The following KIF13B variants were observed in gnomAD, a reference collection of about 807,000 sequenced individuals.
The protein encoded by KIF13B is kinesin-like protein KIF13B.
Under a neutral mutation model 222.0 loss-of-function variants are expected in KIF13B, and 127 were observed. The observed-to-expected ratio is 0.57, with a 90% CI of 0.50 to 0.66. The LOEUF (loss-of-function observed/expected upper bound fraction) is 0.66, where lower values mean the gene tolerates loss of function less well. Ranked by LOEUF, KIF13B falls within the 30% of genes least tolerant of loss-of-function variation. The probability of loss-of-function intolerance (pLI) is 0.00; values close to 1 mark genes in which losing one functional copy is unlikely to be tolerated. For missense variants in KIF13B, 2,173 were observed against 2,379.0 expected (o/e 0.91, Z 1.80); for synonymous variants, 976 against 919.0 (o/e 1.06, Z -1.12).
intron 37 of KIF13B, 135 bp downstream of exon 37, chr8:29,092,610 C>T (rs915377164): frequency 4.1e-5 from 34 of 839,124 alleles, no homozygotes; most frequent in African/African-American, 2.4e-4. Flanking sequence ...GAGAAAAGAC[C>T]GACAGCTGTT....
rs1016688644 is a variant in KIF13B at position 29,165,601 on chromosome 8, T to C, written c.1269+61A>G. ...GATCAAAAAGGAACCAGAAACACCATGTGTCCCATTGTGCAAACTGCCATG... is the reference window on the plus strand; with the variant it reads ...GATCAAAAAGGAACCAGAAACACCACGTGTCCCATTGTGCAAACTGCCATG... On this transcript the variant is annotated intron_variant, in intron 12 of 39. Coordinates refer to ENST00000524189, the MANE Select transcript of KIF13B (RefSeq NM_015254.4). The C allele has an allele frequency of 2.2e-5, 22 of 1,004,820 alleles. 1 individual carries two copies. The Admixed American group carries it at 2.8e-4, about 13-fold the overall frequency. 62.2% of individuals were successfully genotyped at this position (1,004,820 alleles called of 1,614,324 possible).
chr8:29,258,488 C>T (rs559924967), intron 1 of KIF13B, among the ~76,000 whole-genome samples: 4 of 152,294 alleles, frequency 2.6e-5, no homozygotes, highest in African/African-American at 9.6e-5. Context: ...ACCCTAGGTC[C>T]GGACTTCTGG....
At chr8:29,173,240 T>C (rs999873341) in intron 10 of KIF13B, among the ~76,000 whole-genome samples, 1 of 152,060 alleles carries the variant, frequency 6.6e-6, no homozygotes. Flanking sequence ...TTGTTTTAAA[T>C]GGACTCAAGT....
Position 29,109,442 on chromosome 8 carries a change from C to T in KIF13B, c.4153G>A (p.Val1385Met). 1 of 1,613,128 alleles carries T rather than the reference C, an allele frequency of 6.2e-7. No homozygotes were observed. Among genetic ancestry groups the T allele is most frequent in the Non-Finnish European group, 8.5e-7 (1 of 1,179,056 alleles). ...TGGTTCCACACACTCACTCTGTTCACATTTGGAGAACTGATACTCCTCCTG... is the reference window on the plus strand; with the variant it reads ...TGGTTCCACACACTCACTCTGTTCATATTTGGAGAACTGATACTCCTCCTG... ...LSRRSISSPN[V>M]NRLSGSRQDL... Residue 1385 changes from valine (V) to methionine (M), a missense_variant, in exon 34 of 40, where the codon GTG becomes ATG. Physicochemically the swap from Val to Met is conservative, Grantham distance 21. Coordinates refer to ENST00000524189, the MANE Select transcript of KIF13B (RefSeq NM_015254.4).
intron 21 of KIF13B, among the ~76,000 whole-genome samples, chr8:29,139,592 G>A (rs138551278): frequency 3.9e-5 from 6 of 152,312 alleles, no homozygotes; most frequent in African/African-American, 9.6e-5. Context: ...TGGCTGACAC[G>A]TAACTTACTC....
chr8:29,095,339 T>G (rs1312151281), intron 36 of KIF13B, among the ~76,000 whole-genome samples: 1 of 152,144 alleles, frequency 6.6e-6, no homozygotes, highest in Non-Finnish European at 1.5e-5. Flanking sequence ...ATCTTTGAAG[T>G]GCTAAAAGAA....
intron 2 of KIF13B, among the ~76,000 whole-genome samples, chr8:29,207,829 G>A (rs951118149): frequency 2.0e-5 from 3 of 152,130 alleles, no homozygotes; most frequent in Non-Finnish European, 4.4e-5. Flanking sequence ...AGAGTTTTGG[G>A]GGAGTTTGAA....
chr8:29,135,300 C>T (rs1050667635), intron 21 of KIF13B, among the ~76,000 whole-genome samples: 1 of 152,132 alleles, frequency 6.6e-6, no homozygotes, highest in African/African-American at 2.4e-5. Context: ...CTGCCTCAGT[C>T]TCCCAAAATA....
chr8:29,190,800 T>C, intron 4 of KIF13B, 197 bp downstream of exon 4: 1 of 604,036 alleles, frequency 1.7e-6, no homozygotes, highest in Non-Finnish European at 3.0e-6. Flanking sequence ...AGCCAGTGTC[T>C]GCCGCTTGGG....
rs759109548 is a variant in KIF13B, at chr8:29,122,621, G to C, written c.3505C>G (p.His1169Asp). ...AAGTCCAGGAATATAACAGGAATGT[G>C]TGTCTCCATCCCAGGTACTGGGGTC... Reference protein sequence around the residue: ...EWTPVPGMETHIPVIFLDLNA... With the variant: ...EWTPVPGMETDIPVIFLDLNA... The change falls in exon 29 of 40, where the codon CAC (histidine) becomes GAC (aspartate). Residue 1169 changes from histidine to aspartate, a missense_variant. This residue lies in a region of KIF13B where 1,480 missense variants were observed against 1,722.8 expected (regional missense o/e 0.86). Coordinates refer to ENST00000524189, the MANE Select transcript of KIF13B (RefSeq NM_015254.4). 1 of 1,610,098 alleles carries C rather than the reference G, an allele frequency of 6.2e-7. No homozygotes were observed. Among genetic ancestry groups the C allele is most frequent in the Admixed American group, 1.7e-5 (1 of 59,536 alleles).
At chr8:29,194,821 C>T (rs1813346595) in intron 3 of KIF13B, among the ~76,000 whole-genome samples, 1 of 152,140 alleles carries the variant, frequency 6.6e-6, no homozygotes, top group Non-Finnish European at 1.5e-5. Flanking sequence ...TGTTTAACCT[C>T]CCATGTATTT....
At chr8:29,103,058 T>C (rs1172235713) in intron 35 of KIF13B, among the ~76,000 whole-genome samples, 3 of 151,682 alleles carry the variant, frequency 2.0e-5, no homozygotes, top group Non-Finnish European at 4.4e-5. Context: ...CTGGCTAACA[T>C]GATGAAACCC....
chr8:29,075,268 C>A lies in KIF13B; in HGVS notation c.4521+13G>T. 1.3e-6 allele frequency: 2 copies of A among 1,553,174 alleles called. No homozygotes were observed. Among genetic ancestry groups the A allele is most frequent in the Non-Finnish European group, 1.7e-6 (2 of 1,147,948 alleles). Reference sequence around the variant, plus strand: ...TGTAGGTGGGGTGGCCACCCGTGACCCAACAGACTCACCTCCTCCATCCTG... The same window carrying A: ...TGTAGGTGGGGTGGCCACCCGTGACACAACAGACTCACCTCCTCCATCCTG... On this transcript the variant is annotated intron_variant, in intron 38 of 39. Transcript: ENST00000524189.
intron 2 of KIF13B, among the ~76,000 whole-genome samples, chr8:29,238,921 C>T (rs1465478478): frequency 6.6e-6 from 1 of 152,210 alleles, no homozygotes; most frequent in Admixed American, 6.5e-5. Context: ...GCCTGTAGTC[C>T]CAGCTACTCA....
rs1407667216 is a variant in KIF13B at position 29,067,411 on chromosome 8, G to C, written c.*3093C>G. On this transcript the variant is annotated 3_prime_UTR_variant, in exon 40 of 40. Coordinates refer to ENST00000524189, the MANE Select transcript of KIF13B (RefSeq NM_015254.4). Reference sequence around the variant, plus strand: ...ATTAGAGTCTTTACAAGTCATTAGAGTCTTTGGATTTTTTAAACTCCCATT... The same window carrying C: ...ATTAGAGTCTTTACAAGTCATTAGACTCTTTGGATTTTTTAAACTCCCATT... 6.6e-6 allele frequency: 1 copy of C among 152,590 alleles called. No individual in the cohort carries two copies. Among genetic ancestry groups the C allele is most frequent in the Non-Finnish European group, 1.5e-5 (1 of 68,046 alleles). 9.5% of individuals were successfully genotyped at this position (152,590 alleles called of 1,614,324 possible).
chr8:29,135,345 T>C (rs911960370), intron 21 of KIF13B, among the ~76,000 whole-genome samples: 10 of 152,078 alleles, frequency 6.6e-5, no homozygotes, highest in African/African-American at 2.4e-4. Context: ...ATGCCTGGCG[T>C]GGTTTGATTT....
chr8:29,186,980 A>G (rs1812962724), intron 5 of KIF13B, among the ~76,000 whole-genome samples: 2 of 151,544 alleles, frequency 1.3e-5, no homozygotes, highest in Admixed American at 6.6e-5. Context: ...AAAAAAAAAA[A>G]AAAAAAGAAA....
intron 37 of KIF13B, among the ~76,000 whole-genome samples, chr8:29,087,063 C>T (rs1264843148): frequency 6.6e-6 from 1 of 152,226 alleles, no homozygotes; most frequent in Non-Finnish European, 1.5e-5. Context: ...CCACCGTCAT[C>T]AACATCCACT....
At chr8:29,085,089 T>C (rs1807983449) in intron 37 of KIF13B, among the ~76,000 whole-genome samples, 1 of 152,382 alleles carries the variant, frequency 6.6e-6, no homozygotes, top group Admixed American at 6.5e-5. Context: ...GAATAAACTA[T>C]TGACTTTTGT....
Sources: gnomAD v4.1 joint callset for allele counts (sites outside exome capture counted in the v4.1 genomes callset) on GRCh38, gnomAD v4.1.1 for gene constraint, gnomAD v4.1.1 regional missense constraint, MANE v1.5 for transcripts, NCBI Gene and HGNC (gene_info 2026-07-23, HGNC 2026-07-21) for gene names.